MICOS13: variants seen among roughly 807,000 people sequenced by gnomAD.
MICOS13 encodes MICOS complex subunit MIC13.
A neutral mutation model predicts 16.1 loss-of-function variants in MICOS13; 15 were observed. The observed-to-expected ratio is 0.93, with a 90% confidence interval of 0.62 to 1.44. The LOEUF is 1.44. MICOS13 is among the 40% of genes most tolerant of loss of function. The pLI, the probability that MICOS13 is intolerant of heterozygous loss-of-function variation, is 0.00. For missense variants in MICOS13, 164 were observed against 155.0 expected, an observed-to-expected ratio of 1.06 and a Z score of -0.31; for synonymous variants, 61 against 62.6, an observed-to-expected ratio of 0.97 and a Z score of 0.12.
intron 1 of MICOS13, 21 bp from the exon 2 acceptor site, chr19:5,679,784 A>C: frequency 6.4e-7 from 1 of 1,574,360 alleles, no homozygotes; most frequent in Non-Finnish European, 8.6e-7. Context: ...GGACGGGAGG[A>C]GCAGAAGCTC....
intron 3 of MICOS13, 86 bp from the exon 4 acceptor site, chr19:5,678,734 GGGCGGT>G: frequency 1.2e-6 from 1 of 843,440 alleles, no homozygotes. Flanking sequence ...AGTTTGTTTT[GGGCGGT>G]GGGGGGTGGG....
At chr19:5,678,746 GTGGGT>G in intron 3 of MICOS13, 98 bp from the exon 4 acceptor site, 4 of 628,022 alleles carry the variant, frequency 6.4e-6, no homozygotes, top group Non-Finnish European at 7.8e-6. Flanking sequence ...GCGGTGGGGG[GTGGGT>G]GGGGGGCGGG....
At position 5,678,446 on chromosome 19, in the gene MICOS13, C is replaced by T. The variant is rs571893040; in HGVS notation, c.*105G>A. 17 of 1,123,708 alleles carry T rather than the reference C, an allele frequency of 1.5e-5. No homozygotes were observed. In the East Asian group the frequency reaches 2.9e-4, roughly 19 times the overall value. 69.6% of individuals were successfully genotyped at this position (1,123,708 alleles called of 1,614,324 possible). A position where few individuals can be genotyped will look rare whatever the true frequency, so the allele number is the denominator to read the frequency against. On this transcript the variant is annotated 3_prime_UTR_variant, in exon 4 of 4. Coordinates refer to ENST00000309324, the MANE Select transcript of MICOS13 (RefSeq NM_205767.3). ...ACACTTCTGAAGTCCTTTATTGGGC[C>T]GGCAAGGCCGGGAGCTGCCCTCGGA...
chr19:5,680,448 C>T lies in MICOS13; in HGVS notation c.29+10G>A, dbSNP rs530345487. 4.7e-5 allele frequency: 76 copies of T among 1,612,994 alleles called. 1 individual carries two copies. The South Asian group carries it at 8.0e-4, about 17-fold the overall frequency. On this transcript the variant is annotated intron_variant, in intron 1 of 3. Transcript: ENST00000309324. ...CGGGGACTCGGGTCCCCTCCGGCGC[C>T]CCCACGCACCTCATCAGCGACCACA...
Position 5,679,705 on chromosome 19 carries a change from G to A in MICOS13, c.88C>T (p.Leu30=). ...GAVYLVYDQE[L]LGPSDKSQAA... is the part of the protein sequence containing the mutation. ...TGGCTCTTGTCGCTGGGCCCCAGCA[G>A]CTCCTGGTCGTACACCAGGTAGACG... Residue 30 remains leucine (L), a synonymous_variant, in exon 2 of 4, where the codon CTG becomes TTG. Transcript: ENST00000309324. 1 of 1,609,894 alleles carries A rather than the reference G, an allele frequency of 6.2e-7. No homozygotes were observed. The highest frequency in any genetic ancestry group is 1.1e-5 in the South Asian group (1 of 90,848).
At position 5,680,451 on chromosome 19, in the gene MICOS13, C is replaced by A. The variant is rs1469070189; in HGVS notation, c.29+7G>T. 1 of 1,612,986 alleles carries A rather than the reference C, an allele frequency of 6.2e-7. No homozygotes were observed. The highest frequency in any genetic ancestry group is 8.5e-7 in the Non-Finnish European group (1 of 1,179,846). On this transcript the variant is annotated splice_region_variant and intron_variant, in intron 1 of 3. Coordinates refer to ENST00000309324, the MANE Select transcript of MICOS13 (RefSeq NM_205767.3). Reference sequence around the variant, plus strand: ...GGACTCGGGTCCCCTCCGGCGCCCCCACGCACCTCATCAGCGACCACACCC... The same window carrying A: ...GGACTCGGGTCCCCTCCGGCGCCCCAACGCACCTCATCAGCGACCACACCC...
At chr19:5,679,256 G>T in intron 3 of MICOS13, 89 bp downstream of exon 3, 1 of 1,363,192 alleles carries the variant, frequency 7.3e-7, no homozygotes, top group Non-Finnish European at 1.0e-6. Flanking sequence ...CGGGCAGGAA[G>T]GAGGATGGAC....
chr19:5,678,625 G>A lies in MICOS13; in HGVS notation c.283C>T (p.Leu95=). The A allele has an allele frequency of 2.6e-6, 4 of 1,543,602 alleles. No homozygotes were observed. Among genetic ancestry groups the A allele is most frequent in the Non-Finnish European group, 3.5e-6 (4 of 1,143,836 alleles). ...CGGGCCTTGGAGGGGGCCACCGACA[G>A]AGCTGACATCACCGTCATGATGCCT... ...NAGIMTVMSA[L]SVAPSKAREY... Residue 95 remains leucine (L), a synonymous_variant, in exon 4 of 4, where the codon CTG becomes TTG. Coordinates refer to ENST00000309324, the MANE Select transcript of MICOS13 (RefSeq NM_205767.3).
In MICOS13 at chr19:5,679,571, C is replaced by T; in HGVS notation, c.207+15G>A. 1 of 1,607,058 alleles carries T rather than the reference C, an allele frequency of 6.2e-7. No individual in the cohort carries two copies. ...CCACCCGCCAAACCCTGGCCTCGTT[C>T]CCGGCCCGTAGTACCTGGGGTATCT... On this transcript the variant is annotated intron_variant, in intron 2 of 3. Transcript: ENST00000309324.
chr19:5,679,919 T>C, intron 1 of MICOS13, 156 bp from the exon 2 acceptor site: 1 of 1,340,530 alleles, frequency 7.5e-7, no homozygotes, highest in Non-Finnish European at 1.0e-6. Flanking sequence ...CCCTATTATA[T>C]ACAGCACTCG....
intron 3 of MICOS13, chr19:5,678,879 C>T: frequency 2.1e-6 from 1 of 483,176 alleles, no homozygotes; most frequent in East Asian, 4.0e-5. Context: ...GTAGCTGGGA[C>T]TACAAGTGCG....
At chr19:5,679,221 T>C (rs757109230) in intron 3 of MICOS13, 124 bp downstream of exon 3, 2 of 1,102,744 alleles carry the variant, frequency 1.8e-6, no homozygotes, top group East Asian at 2.6e-5. Flanking sequence ...CTCCTTTCCC[T>C]TTTAGATCCC....
At chr19:5,680,134 C>G (rs947301938) in intron 1 of MICOS13, 2 of 1,536,102 alleles carry the variant, frequency 1.3e-6, no homozygotes, top group Admixed American at 3.9e-5. Flanking sequence ...GCTCCGAGCA[C>G]GCATTCACTT....
At position 5,680,432 on chromosome 19, in the gene MICOS13, G is replaced by T. The variant is rs914661319; in HGVS notation, c.29+26C>A. ...CAAAAATGGACTTTTTCGGGGACTC[G>T]GGTCCCCTCCGGCGCCCCCACGCAC... On this transcript the variant is annotated intron_variant, in intron 1 of 3. Transcript: ENST00000309324. 5 of 1,613,034 alleles carry T rather than the reference G, an allele frequency of 3.1e-6. No individual in the cohort carries two copies. In the African/African-American group the frequency reaches 5.3e-5, roughly 17 times the overall value.
intron 2 of MICOS13, 40 bp from the exon 3 acceptor site, chr19:5,679,436 C>T: frequency 6.2e-7 from 1 of 1,605,638 alleles, no homozygotes; most frequent in South Asian, 1.1e-5. Flanking sequence ...GGTGAAAAGG[C>T]TCAGCAGCCC....
chr19:5,678,665 G>A lies in MICOS13; in HGVS notation c.260-17C>T. On this transcript the variant is annotated splice_polypyrimidine_tract_variant and intron_variant, in intron 3 of 3. Coordinates refer to ENST00000309324, the MANE Select transcript of MICOS13 (RefSeq NM_205767.3). The stretch of plus-strand genomic sequence containing the variant: ...TCATGATGCCTGTGGGAAAGGGACG[G>A]CCACTGGTGATACTCCCCTCCCAGC... The A allele has an allele frequency of 1.4e-6, 2 of 1,404,296 alleles. No homozygotes were observed. Among genetic ancestry groups the A allele is most frequent in the Non-Finnish European group, 1.9e-6 (2 of 1,058,148 alleles). The allele number at this position is 1,404,296 out of a possible 1,614,324, so 87.0% of individuals were successfully genotyped here. A position where few individuals can be genotyped will look rare whatever the true frequency, so the allele number is the denominator to read the frequency against.
chr19:5,678,472 G>T lies in MICOS13; in HGVS notation c.*79C>A. 7.5e-7 allele frequency: 1 copy of T among 1,333,764 alleles called. No homozygotes were observed. Among genetic ancestry groups the T allele is most frequent in the Non-Finnish European group, 1.0e-6 (1 of 961,652 alleles). 82.6% of individuals were successfully genotyped at this position (1,333,764 alleles called of 1,614,324 possible). On this transcript the variant is annotated 3_prime_UTR_variant, in exon 4 of 4. Transcript: ENST00000309324. The stretch of plus-strand genomic sequence containing the variant: ...GGCAAGGCCGGGAGCTGCCCTCGGA[G>T]TGGGGTCCCAGTCCGGAGTCTTCAG...
intron 3 of MICOS13, 59 bp from the exon 4 acceptor site, chr19:5,678,707 C>T: frequency 7.5e-7 from 1 of 1,328,482 alleles, no homozygotes; most frequent in South Asian, 1.5e-5. Context: ...CAGCCTCCAA[C>T]CCCTGGGAAA....
rs1480264897 is a variant in MICOS13, at chr19:5,680,495, G to C, written c.-9C>G. On this transcript the variant is annotated 5_prime_UTR_variant, in exon 1 of 4. Transcript: ENST00000309324. ...CACACCCGGGCCACCATGGTCGCTC[G>C]GATCCACGCGCAAGGACACTCGGCT... The C allele has an allele frequency of 2.4e-5, 38 of 1,604,684 alleles. No homozygotes were observed. Among genetic ancestry groups the C allele is most frequent in the Non-Finnish European group, 2.9e-5 (34 of 1,177,898 alleles).
Sources: allele counts gnomAD v4.1 joint callset, GRCh38; gene constraint gnomAD v4.1.1; transcripts MANE v1.5; gene names NCBI Gene and HGNC (gene_info 2026-07-23, HGNC 2026-07-21).